The following TOX2 variants were observed in gnomAD, a reference collection of about 807,000 sequenced individuals.
The protein encoded by TOX2 is TOX high mobility group box family member 2.
In TOX2, 15 loss-of-function variants were observed where a neutral mutation model predicts 47.4. The observed-to-expected ratio is 0.32, with a 90% confidence interval of 0.21 to 0.49. TOX2 has a LOEUF of 0.49. Among genes scored for constraint, TOX2 ranks in the 20% least tolerant of loss-of-function variants. The pLI is 0.99. For missense variants in TOX2, 622 were observed against 673.1 expected, an observed-to-expected ratio of 0.92 and a Z score of 0.84; for synonymous variants, 290 against 296.6, an observed-to-expected ratio of 0.98 and a Z score of 0.23.
intron 4 of TOX2, among the ~76,000 whole-genome samples, chr20:44,052,014 A>G (rs2071521196): frequency 6.6e-6 from 1 of 152,220 alleles, no homozygotes; most frequent in South Asian, 2.1e-4. Context: ...GGGCGATTTC[A>G]GAGGTGTGGA....
chr20:44,048,372 T>G (rs2145741063), intron 3 of TOX2, among the ~76,000 whole-genome samples: 1 of 111,652 alleles, frequency 9.0e-6, no homozygotes, highest in South Asian at 2.7e-4. Flanking sequence ...CATGTTAGTA[T>G]CTGGATAAAA....
At chr20:44,059,320 A>T (rs2071676434) in intron 5 of TOX2, among the ~76,000 whole-genome samples, 2 of 152,196 alleles carry the variant, frequency 1.3e-5, no homozygotes, top group African/African-American at 2.4e-5. Flanking sequence ...TTCAACAGAG[A>T]CAAAAAATTT....
chr20:44,057,021 C>T (rs945270476), intron 5 of TOX2, among the ~76,000 whole-genome samples: 4 of 152,178 alleles, frequency 2.6e-5, no homozygotes, highest in African/African-American at 9.7e-5. Context: ...GCAATTTTCC[C>T]AGCTCAGCTT....
At chr20:43,958,391 C>G (rs1452265754) in intron 1 of TOX2, among the ~76,000 whole-genome samples, 2 of 152,120 alleles carry the variant, frequency 1.3e-5, no homozygotes, top group African/African-American at 2.4e-5. Flanking sequence ...TTCTAGACAC[C>G]CCTTCTTCCC....
At chr20:44,033,673 G>A (rs1049534100) in intron 3 of TOX2, among the ~76,000 whole-genome samples, 5 of 149,724 alleles carry the variant, frequency 3.3e-5, no homozygotes, top group African/African-American at 7.5e-5. Context: ...ATGAGGATAC[G>A]GTTCATCCAA....
At chr20:44,047,948 G>A (rs2071437722) in intron 3 of TOX2, among the ~76,000 whole-genome samples, 1 of 152,090 alleles carries the variant, frequency 6.6e-6, no homozygotes, top group Non-Finnish European at 1.5e-5. Context: ...GCCGGGTGTG[G>A]TGGCTCATGC....
chr20:44,031,716 G>A (rs1470725909), intron 3 of TOX2, among the ~76,000 whole-genome samples: 1 of 152,106 alleles, frequency 6.6e-6, no homozygotes, highest in East Asian at 1.9e-4. Context: ...GGAAAATGAA[G>A]TGGGCTCTGA....
At chr20:44,026,251 A>ATATATATATATATAT (rs1244142038) in intron 3 of TOX2, among the ~76,000 whole-genome samples, 1 of 65,560 alleles carries the variant, frequency 1.5e-5, no homozygotes, top group Non-Finnish European at 3.2e-5. Context: ...ATATATATAG[A>ATATATATATATATAT]CACACACACA....
chr20:44,049,708 G>A (rs1175866677), intron 3 of TOX2, among the ~76,000 whole-genome samples: 2 of 152,038 alleles, frequency 1.3e-5, no homozygotes, highest in African/African-American at 4.8e-5. Context: ...CGTTCACATT[G>A]TTCGGCTTCC....
intron 1 of TOX2, among the ~76,000 whole-genome samples, chr20:43,918,549 A>T (rs1205837695): frequency 1.3e-5 from 2 of 152,194 alleles, no homozygotes; most frequent in Non-Finnish European, 2.9e-5. Context: ...CAATTTAGGT[A>T]TATTAACCAT....
intron 1 of TOX2, among the ~76,000 whole-genome samples, chr20:43,917,699 G>C (rs1010395455): frequency 1.3e-5 from 2 of 152,218 alleles, no homozygotes; most frequent in African/African-American, 4.8e-5. Flanking sequence ...CACGAACATT[G>C]GTTGTTCTTT....
chr20:43,926,024 A>G (rs1299438068), intron 1 of TOX2, among the ~76,000 whole-genome samples: 1 of 152,198 alleles, frequency 6.6e-6, no homozygotes, highest in Non-Finnish European at 1.5e-5. Flanking sequence ...CATTACAGCT[A>G]ATTAAAATGT....
intron 8 of TOX2, 134 bp from the exon 9 acceptor site, chr20:44,068,516 C>G: frequency 1.0e-6 from 1 of 952,672 alleles, no homozygotes; most frequent in Admixed American, 3.0e-5. Context: ...CTTGCAGATG[C>G]AAGTCCCTCA....
At chr20:43,993,958 G>C (rs1432750165) in intron 2 of TOX2, among the ~76,000 whole-genome samples, 2 of 151,956 alleles carry the variant, frequency 1.3e-5, no homozygotes, top group African/African-American at 4.8e-5. Flanking sequence ...TTTGAGACCA[G>C]TCTGGGCAAT....
intron 3 of TOX2, among the ~76,000 whole-genome samples, chr20:44,048,763 A>T (rs2145742961): frequency 6.6e-6 from 1 of 152,246 alleles, no homozygotes; most frequent in South Asian, 2.1e-4. Flanking sequence ...CAAAAAAAAA[A>T]ATGAGACAAA....
chr20:43,986,256 AATGT>A (rs11274396), intron 2 of TOX2, among the ~76,000 whole-genome samples: 32 of 149,778 alleles, frequency 2.1e-4, no homozygotes, highest in Middle Eastern at 3.4e-3. Flanking sequence ...AGCCTTTTAA[AATGT>A]ATGTATGTAT....
At chr20:43,989,736 C>T (rs4395306) in intron 2 of TOX2, among the ~76,000 whole-genome samples, 26,716 of 150,374 alleles carry the variant, frequency 0.18, 2,793 homozygotes, top group African/African-American at 0.28. Flanking sequence ...GGCGAGATCA[C>T]GCCACTGAAC....
intron 3 of TOX2, among the ~76,000 whole-genome samples, chr20:44,042,128 G>A (rs368832752): frequency 1.6e-4 from 24 of 152,342 alleles, no homozygotes; most frequent in Admixed American, 9.1e-4. Context: ...TAATCATGGC[G>A]GAAGGCAAAA....
chr20:44,044,594 G>A (rs1047573488), intron 3 of TOX2, among the ~76,000 whole-genome samples: 1 of 152,126 alleles, frequency 6.6e-6, no homozygotes, highest in Non-Finnish European at 1.5e-5. Flanking sequence ...CTATTAGGAT[G>A]GCTTCTATTG....
Sources: allele counts gnomAD v4.1 joint callset (sites outside exome capture counted in the v4.1 genomes callset), GRCh38; gene constraint gnomAD v4.1.1; transcripts MANE v1.5; gene names NCBI Gene and HGNC (gene_info 2026-07-23, HGNC 2026-07-21).